Variants in FHIT observed in about 807,000 individuals in gnomAD.
FHIT encodes bis(5'-adenosyl)-triphosphatase.
FHIT carries 19 observed loss-of-function variants against 17.9 expected under a neutral mutation model. That is an observed-to-expected ratio of 1.06 (90% CI 0.74 to 1.56). The LOEUF (loss-of-function observed/expected upper bound fraction) is 1.56. Among genes scored for constraint, FHIT ranks in the 40% most tolerant of loss-of-function variants. The pLI is 0.00. For synonymous variants in FHIT, 81 were observed against 69.7 expected, an observed-to-expected ratio of 1.16 and a Z score of -0.81; for missense variants, 248 against 189.2, an observed-to-expected ratio of 1.31 and a Z score of -1.82.
chr3:60,645,866 A>G (rs1559610279), intron 4 of FHIT, among the ~76,000 whole-genome samples: 1 of 152,220 alleles, frequency 6.6e-6, no homozygotes, highest in Admixed American at 6.5e-5. Context: ...TTGGTTATAA[A>G]TGACTTCACA....
chr3:60,616,675 A>G (rs1219831627), intron 4 of FHIT: 2 of 152,234 alleles, frequency 1.3e-5, no homozygotes, highest in Admixed American at 6.5e-5. Context: ...AAGAAATACA[A>G]AAGATCTAAG....
chr3:60,215,207 A>T (rs1255676106), intron 5 of FHIT, among the ~76,000 whole-genome samples: 4 of 152,146 alleles, frequency 2.6e-5, no homozygotes, highest in Admixed American at 2.6e-4. Flanking sequence ...ATTAAAAAAA[A>T]TAGGCTGGGC....
chr3:60,080,620 G>A lies in FHIT; in HGVS notation c.104-66468C>T, dbSNP rs114301223. ...AAGACATGAAGAATAAAACAGGTCT[G>A]GCTGGAGACTGCACGAAATTGCCAG... is the stretch of plus-strand genomic sequence containing the variant. On this transcript the variant is annotated intron_variant, in intron 5 of 9. Coordinates refer to ENST00000492590, the MANE Select transcript of FHIT (RefSeq NM_002012.4). Among the ~76,000 whole-genome samples the A allele has an allele frequency of 5.6e-3, 850 of 152,188 alleles. 15 individuals carry two copies. The highest frequency in any genetic ancestry group is 4.6e-3 in the Non-Finnish European group (310 of 68,002).
At chr3:60,372,089 T>C (rs1057501) in intron 5 of FHIT, among the ~76,000 whole-genome samples, 1 of 151,872 alleles carries the variant, frequency 6.6e-6, no homozygotes, top group African/African-American at 2.4e-5. Context: ...ATCTCCAGAA[T>C]GGCTTAAATG....
intron 3 of FHIT, among the ~76,000 whole-genome samples, chr3:60,826,514 C>T (rs532507692): frequency 1.3e-5 from 2 of 152,150 alleles, no homozygotes; most frequent in Non-Finnish European, 2.9e-5. Context: ...TTAGTAGAGA[C>T]GGGGTTTCTC....
At chr3:60,219,193 G>C (rs1703843247) in intron 5 of FHIT, among the ~76,000 whole-genome samples, 1 of 152,008 alleles carries the variant, frequency 6.6e-6, no homozygotes, top group African/African-American at 2.4e-5. Flanking sequence ...CATTGCTCCT[G>C]AAGATTTTTC....
At chr3:59,854,443 TC>T (rs1702070093) in intron 8 of FHIT, among the ~76,000 whole-genome samples, 1 of 152,162 alleles carries the variant, frequency 6.6e-6, no homozygotes, top group Non-Finnish European at 1.5e-5. Context: ...CCAATGAGCA[TC>T]CCAATCATCA....
Position 61,172,534 on chromosome 3 carries a change from G to T in FHIT, c.-164+28083C>A, listed in dbSNP as rs140633336. Among the ~76,000 whole-genome samples the T allele has an allele frequency of 1.6e-4, 25 of 152,268 alleles. No individual in the cohort carries two copies. In the East Asian group the frequency reaches 3.9e-3, roughly 23 times the overall value. ...CACTGTGCATCTTTTAACATCTTTT[G>T]AATTATGTGATAGTATTATCCAATT... On this transcript the variant is annotated intron_variant, in intron 2 of 9. Transcript: ENST00000492590.
intron 8 of FHIT, among the ~76,000 whole-genome samples, chr3:59,784,411 G>A (rs983613443): frequency 6.6e-6 from 1 of 152,178 alleles, no homozygotes; most frequent in African/African-American, 2.4e-5. Flanking sequence ...TAGCTTCCCT[G>A]GCTTTCCATT....
At chr3:60,346,061 G>A (rs904483383) in intron 5 of FHIT, among the ~76,000 whole-genome samples, 3 of 152,198 alleles carry the variant, frequency 2.0e-5, no homozygotes, top group Non-Finnish European at 2.9e-5. Flanking sequence ...AAGGGCAACT[G>A]GTTTAACGTA....
In FHIT at chr3:60,663,155, T is replaced by TATATATATATATATATATATATAC. The variant is rs2040300445; in HGVS notation, c.-17-126177_-17-126176insGTATATATATATATATATATATAT. Reference sequence around the variant, plus strand: ...ATATAGCCCTAATATTGGGTGGAGATATATATCTCTTTAATGTTGGGTTGG... The same window carrying TATATATATATATATATATATATAC: ...ATATAGCCCTAATATTGGGTGGAGATATATATATATATATATATATATACATATATCTCTTTAATGTTGGGTTGG... On this transcript the variant is annotated intron_variant, in intron 4 of 9. Transcript: ENST00000492590. Among the ~76,000 whole-genome samples, 14 of 14,094 alleles carry TATATATATATATATATATATATAC rather than the reference T, an allele frequency of 9.9e-4. 2 individuals carry two copies. Among genetic ancestry groups the TATATATATATATATATATATATAC allele is most frequent in the Admixed American group, 3.7e-3 (7 of 1,916 alleles). The allele number at this position is 14,094 out of a possible 152,430, so 9.2% of individuals were successfully genotyped here. A position where few individuals can be genotyped will look rare whatever the true frequency, so the allele number is the denominator to read the frequency against.
At chr3:59,885,110 T>C (rs1027925736) in intron 8 of FHIT, among the ~76,000 whole-genome samples, 1 of 152,210 alleles carries the variant, frequency 6.6e-6, no homozygotes, top group Non-Finnish European at 1.5e-5. Flanking sequence ...AATCCTTCCT[T>C]TTATTATCAC....
At chr3:61,250,432 G>C (rs2040593637) in intron 1 of FHIT, among the ~76,000 whole-genome samples, 1 of 152,088 alleles carries the variant, frequency 6.6e-6, no homozygotes, top group Non-Finnish European at 1.5e-5. Flanking sequence ...AATAATAGCA[G>C]TAAATCTGCA....
chr3:60,613,063 T>C (rs2038834715), intron 4 of FHIT, among the ~76,000 whole-genome samples: 1 of 152,192 alleles, frequency 6.6e-6, no homozygotes, highest in Non-Finnish European at 1.5e-5. Context: ...TGCAGGAACA[T>C]GCCTCTGAAT....
Position 59,879,988 on chromosome 3 carries a change from G to A in FHIT, c.348+42358C>T, listed in dbSNP as rs529297721. On this transcript the variant is annotated intron_variant, in intron 8 of 9. Coordinates refer to ENST00000492590, the MANE Select transcript of FHIT (RefSeq NM_002012.4). ...CCAAAGGAACCAAGAGAGAAGAGGA[G>A]AAGTCCATATGGAAATAGGAGGTAA... is the stretch of plus-strand genomic sequence containing the variant. Among the ~76,000 whole-genome samples the A allele has an allele frequency of 1.4e-4, 19 of 134,936 alleles. No homozygotes were observed. In the East Asian group the frequency reaches 4.2e-3, roughly 30 times the overall value. 88.5% of individuals were successfully genotyped at this position (134,936 alleles called of 152,430 possible). A position where few individuals can be genotyped will look rare whatever the true frequency, so the allele number is the denominator to read the frequency against.
chr3:60,570,825 A>G (rs1318764629), intron 4 of FHIT, among the ~76,000 whole-genome samples: 2 of 151,986 alleles, frequency 1.3e-5, no homozygotes, highest in Non-Finnish European at 2.9e-5. Context: ...ACCAAAGCAA[A>G]TTCACATCCA....
At chr3:60,100,164 A>G (rs112339820) in intron 5 of FHIT, among the ~76,000 whole-genome samples, 4,510 of 152,222 alleles carry the variant, frequency 0.03, 184 homozygotes, top group East Asian at 0.19. Context: ...GGATCACCTG[A>G]GGTCAGGAGT....
intron 4 of FHIT, among the ~76,000 whole-genome samples, chr3:60,545,105 T>C (rs1420304924): frequency 6.6e-6 from 1 of 152,092 alleles, no homozygotes; most frequent in Non-Finnish European, 1.5e-5. Context: ...TAAAGATTTT[T>C]TTTTTCTTGT....
intron 3 of FHIT, among the ~76,000 whole-genome samples, chr3:61,019,114 C>CT (rs143169639): frequency 0.078 from 11,864 of 152,222 alleles, 582 homozygotes; most frequent in Middle Eastern, 0.11. Context: ...AGAAATCTTT[C>CT]TTAGAAGGAA....
Sources: gnomAD v4.1 joint callset for allele counts (sites outside exome capture counted in the v4.1 genomes callset) on GRCh38, gnomAD v4.1.1 for gene constraint, MANE v1.5 for transcripts, NCBI Gene and HGNC (gene_info 2026-07-23, HGNC 2026-07-21) for gene names.